HAUS8: variants seen among roughly 807,000 people sequenced by gnomAD.
HAUS8 encodes HAUS augmin like complex subunit 8.
A neutral mutation model predicts 42.9 loss-of-function variants in HAUS8; 38 were observed. That is an observed-to-expected ratio of 0.89 (90% confidence interval 0.68 to 1.16). HAUS8 has a LOEUF of 1.16. Among genes scored for constraint, HAUS8 ranks in the 50% most tolerant of loss-of-function variants. The probability of loss-of-function intolerance (pLI) is 0.00; values close to 1 mark genes in which losing one functional copy is unlikely to be tolerated. For synonymous variants in HAUS8, 199 were observed against 205.8 expected (o/e 0.97, Z 0.28); for missense variants, 494 against 511.6 (o/e 0.97, Z 0.33).
At chr19:17,052,120 ACT>A (rs1207244385) in intron 10 of HAUS8, 2 of 149,852 alleles carry the variant, frequency 1.3e-5, no homozygotes, top group Non-Finnish European at 3.0e-5. Context: ...AGCCTGAGCA[ACT>A]CTGTCTCAAA....
chr19:17,057,088 A>G (rs2057331258), intron 8 of HAUS8, among the ~76,000 whole-genome samples: 1 of 152,000 alleles, frequency 6.6e-6, no homozygotes, highest in Non-Finnish European at 1.5e-5. Context: ...AGTGGCTCAC[A>G]CCTATAATCC....
In HAUS8 at chr19:17,071,483, C is replaced by A. The variant is rs542499684; in HGVS notation, c.91+1791G>T. On this transcript the variant is annotated intron_variant, in intron 2 of 10. Coordinates refer to ENST00000253669, the MANE Select transcript of HAUS8 (RefSeq NM_033417.2). The stretch of plus-strand genomic sequence containing the variant: ...CCAGGACCAGGTGGGGTCCCAGGGA[C>A]AACCAGGCCACAAAAAGAGTCTACC... 1.1e-4 allele frequency among the ~76,000 whole-genome samples: 16 copies of A among 152,256 alleles called. No individual in the cohort carries two copies. The South Asian group carries it at 3.3e-3, about 32-fold the overall frequency.
intron 10 of HAUS8, chr19:17,052,576 CA>C (rs1461578585): frequency 0.016 from 5,637 of 345,250 alleles, no homozygotes; most frequent in South Asian, 0.026. Flanking sequence ...GAACCTGTCT[CA>C]AAAAAAAAAG....
rs564132584 is a variant in HAUS8 at position 17,055,846 on chromosome 19, C to A, written c.787+15G>T. ...CCCGCCTGCTGCACACGCACTGGGA[C>A]GCCCCGTTTCCTACCTAAGAGCTGC... is the stretch of plus-strand genomic sequence containing the variant. On this transcript the variant is annotated intron_variant, in intron 9 of 10. Coordinates refer to ENST00000253669, the MANE Select transcript of HAUS8 (RefSeq NM_033417.2). 7.5e-6 allele frequency: 12 copies of A among 1,610,208 alleles called. No homozygotes were observed. Among genetic ancestry groups the A allele is most frequent in the Admixed American group, 1.7e-5 (1 of 59,826 alleles).
At chr19:17,073,403 G>T in intron 1 of HAUS8, 68 bp from the exon 2 acceptor site, 1 of 1,437,438 alleles carries the variant, frequency 7.0e-7, no homozygotes, top group Non-Finnish European at 9.8e-7. Context: ...CCGGCGAGGT[G>T]CCTCTGCTAG....
Position 17,049,777 on chromosome 19 carries a change from G to T in HAUS8, c.*96C>A. 2.8e-6 allele frequency: 3 copies of T among 1,083,044 alleles called. No individual in the cohort carries two copies. Among genetic ancestry groups the T allele is most frequent in the Non-Finnish European group, 3.7e-6 (3 of 812,564 alleles). 67.1% of individuals were successfully genotyped at this position (1,083,044 alleles called of 1,614,324 possible). A position where few individuals can be genotyped will look rare whatever the true frequency, so the allele number is the denominator to read the frequency against. ...AATGGAGGCTTCAATTGCAAAACAG[G>T]TTTACTTTTTTATCAAACAAGATTA... is the stretch of plus-strand genomic sequence containing the variant. On this transcript the variant is annotated 3_prime_UTR_variant, in exon 11 of 11. Transcript: ENST00000253669.
At chr19:17,074,411 A>AC (rs2057451406) in intron 1 of HAUS8, 1 of 152,440 alleles carries the variant, frequency 6.6e-6, no homozygotes, top group African/African-American at 2.4e-5. Context: ...AATGTTCGCC[A>AC]GGTGCCAGCA....
rs1358634579 is a variant in HAUS8, at chr19:17,058,760, T to G, written c.486+51A>C. ...CAGGTGGGGACTCCCTCCCCGTGAA[T>G]GGAGGCCACCCTTCCATCCATGGCA... is the stretch of plus-strand genomic sequence containing the variant. On this transcript the variant is annotated intron_variant, in intron 7 of 10. Transcript: ENST00000253669. The G allele has an allele frequency of 1.9e-6, 3 of 1,605,852 alleles. No individual in the cohort carries two copies. In the Admixed American group the frequency reaches 5.1e-5, roughly 27 times the overall value.
At chr19:17,058,324 A>G (rs1270725514) in intron 8 of HAUS8, among the ~76,000 whole-genome samples, 1 of 152,280 alleles carries the variant, frequency 6.6e-6, no homozygotes, top group Non-Finnish European at 1.5e-5. Context: ...AGTGCATAGA[A>G]GGTGCACACC....
intron 1 of HAUS8, 68 bp downstream of exon 1, chr19:17,075,326 C>A (rs2305751): frequency 0.69 from 1,079,793 of 1,572,650 alleles, 373,542 homozygotes; most frequent in Admixed American, 0.81. Flanking sequence ...TAACTCCCCA[C>A]CTCCGCTGCC....
Position 17,058,677 on chromosome 19 carries a change from T to G in HAUS8, c.517A>C (p.Arg173=). ...ATTATTAATAAATTCTTTTCTGCCCTTCTTTCAAACTCAGCAAGATTGTTC... is the reference window on the plus strand; with the variant it reads ...ATTATTAATAAATTCTTTTCTGCCCGTCTTTCAAACTCAGCAAGATTGTTC... ...MENNLAEFER[R]AEKNLLIMCK... is the part of the protein sequence containing the mutation. Residue 173 remains arginine, a synonymous_variant, in exon 8 of 11, where the codon AGG becomes CGG. Coordinates refer to ENST00000253669, the MANE Select transcript of HAUS8 (RefSeq NM_033417.2). 2 of 1,610,552 alleles carry G rather than the reference T, an allele frequency of 1.2e-6. No homozygotes were observed. Among genetic ancestry groups the G allele is most frequent in the South Asian group, 2.2e-5 (2 of 90,270 alleles).
In HAUS8 at chr19:17,050,114, T is replaced by C. The variant is rs752318521; in HGVS notation, c.992A>G (p.Gln331Arg). Reference sequence around the variant, plus strand: ...GCCCTGGGTCTCTTCCCAGACTTCCTGGTTTGCCAAGGCTGCCTCTTTGCT... The same window carrying C: ...GCCCTGGGTCTCTTCCCAGACTTCCCGGTTTGCCAAGGCTGCCTCTTTGCT... ...EASKEAALANQEVWEETQGMA... is the reference protein window; with the variant it reads ...EASKEAALANREVWEETQGMA... The change falls in exon 11 of 11, where the codon CAG becomes CGG. Residue 331 changes from glutamine (Q) to arginine (R), a missense_variant. Physicochemically the swap from Gln to Arg is conservative, Grantham distance 43. Transcript: ENST00000253669. 5.1e-6 allele frequency: 8 copies of C among 1,577,156 alleles called. No individual in the cohort carries two copies. Among genetic ancestry groups the C allele is most frequent in the Non-Finnish European group, 6.9e-6 (8 of 1,161,096 alleles).
chr19:17,058,902 A>G (rs1458901113), intron 6 of HAUS8, 26 bp from the exon 7 acceptor site: 1 of 1,581,884 alleles, frequency 6.3e-7, no homozygotes, highest in Admixed American at 1.7e-5. Context: ...AGACCCTCTC[A>G]ATTCCTGATG....
chr19:17,055,144 ATAT>A lies in HAUS8; in HGVS notation c.787+714_787+716del, dbSNP rs1183320959. ...AAAAAAAAAAAAAAAAAAAAAAAAA[ATAT>A]ATATATATATATATATATATATATA... On this transcript the variant is annotated intron_variant, in intron 9 of 10. Transcript: ENST00000253669. 8 of 2,382 alleles carry A rather than the reference ATAT, an allele frequency of 3.4e-3. 1 individual carries two copies. The highest frequency in any genetic ancestry group is 5.8e-3 in the Non-Finnish European group (8 of 1,388). 0.1% of individuals were successfully genotyped at this position (2,382 alleles called of 1,614,324 possible). A position where few individuals can be genotyped will look rare whatever the true frequency, so the allele number is the denominator to read the frequency against.
intron 2 of HAUS8, 72 bp from the exon 3 acceptor site, chr19:17,069,158 CCCCGGAGA>C: frequency 7.3e-7 from 1 of 1,365,654 alleles, no homozygotes; most frequent in Non-Finnish European, 1.0e-6. Context: ...AGACCCCACG[CCCCGGAGA>C]CCCAGATGCC....
rs1347480442 is a variant in HAUS8 at position 17,060,012 on chromosome 19, G to C, written c.310C>G (p.Leu104Val). The change falls in exon 5 of 11, where the codon CTC becomes GTC. Residue 104 changes from leucine (L) to valine (V), a missense_variant. Coordinates refer to ENST00000253669, the MANE Select transcript of HAUS8 (RefSeq NM_033417.2). ...AATGATTTACCATTAATAGCAGAGA[G>C]ATCCAGGTCAGGTGGAGCTGTGCCA... ...GHGTAPPDLDLSAINDKSIVK... is the reference protein window; with the variant it reads ...GHGTAPPDLDVSAINDKSIVK... The C allele has an allele frequency of 6.2e-7, 1 of 1,611,844 alleles. No individual in the cohort carries two copies. The highest frequency in any genetic ancestry group is 8.5e-7 in the Non-Finnish European group (1 of 1,178,058).
chr19:17,054,699 G>T (rs11665799), intron 9 of HAUS8, among the ~76,000 whole-genome samples: 1 of 151,936 alleles, frequency 6.6e-6, no homozygotes, highest in Non-Finnish European at 1.5e-5. Flanking sequence ...TACTCGGGAG[G>T]CTGAGGCAGG....
intron 3 of HAUS8, among the ~76,000 whole-genome samples, chr19:17,064,678 G>A (rs978137506): frequency 1.3e-5 from 2 of 152,150 alleles, no homozygotes; most frequent in African/African-American, 4.8e-5. Flanking sequence ...ATGAAAAAAC[G>A]AACTTTGATT....
chr19:17,067,621 G>A (rs1238154075), intron 3 of HAUS8, among the ~76,000 whole-genome samples: 1 of 152,134 alleles, frequency 6.6e-6, no homozygotes, highest in Non-Finnish European at 1.5e-5. Context: ...ACACGGGGGC[G>A]CTGTAACCAA....
Sources: gnomAD v4.1 joint callset for allele counts (sites outside exome capture counted in the v4.1 genomes callset) on GRCh38, gnomAD v4.1.1 for gene constraint, MANE v1.5 for transcripts, NCBI Gene and HGNC (gene_info 2026-07-23, HGNC 2026-07-21) for gene names.